The following ARHGEF26 variants were observed in gnomAD, a reference collection of about 807,000 sequenced individuals.
ARHGEF26 encodes Rho guanine nucleotide exchange factor (GEF) 26.
In ARHGEF26, 59 loss-of-function variants were observed where a neutral mutation model predicts 89.4. The ratio of observed to expected loss-of-function variants is 0.66; its 90% CI spans 0.54 to 0.82. The LOEUF is 0.82. Among genes scored for constraint, ARHGEF26 ranks in the 40% least tolerant of loss-of-function variants. The pLI is 0.00. For synonymous variants in ARHGEF26, 500 were observed against 428.4 expected, an observed-to-expected ratio of 1.17 and a Z score of -2.06; for missense variants, 1,234 against 1,085.6, an observed-to-expected ratio of 1.14 and a Z score of -1.92.
chr3:154,217,341 A>G (rs1374604985), intron 9 of ARHGEF26, among the ~76,000 whole-genome samples: 13 of 150,860 alleles, frequency 8.6e-5, no homozygotes, highest in African/African-American at 1.5e-4. Context: ...TTCTTTTGAG[A>G]AGTGTCTGTT....
chr3:154,188,381 G>T (rs928820729), intron 7 of ARHGEF26, among the ~76,000 whole-genome samples: 23 of 152,242 alleles, frequency 1.5e-4, no homozygotes, highest in African/African-American at 5.5e-4. Flanking sequence ...TGTTCTTAAA[G>T]ATTTCAGTTA....
At chr3:154,221,567 A>C (rs1450494887) in intron 10 of ARHGEF26, among the ~76,000 whole-genome samples, 1 of 152,210 alleles carries the variant, frequency 6.6e-6, no homozygotes, top group Non-Finnish European at 1.5e-5. Context: ...ATGAGGAAAA[A>C]CATCTAAATA....
At position 154,187,665 on chromosome 3, in the gene ARHGEF26, T is replaced by G. The variant is rs779843965; in HGVS notation, c.1488-20T>G. On this transcript the variant is annotated intron_variant, in intron 6 of 14. Coordinates refer to ENST00000465093, the MANE Select transcript of ARHGEF26 (RefSeq NM_015595.4). The stretch of plus-strand genomic sequence containing the variant: ...GTGTATGAAAGAAGTGTTAATTTTT[T>G]TTTCCCTTTGGTTTTTCAGGTTCTT... The G allele has an allele frequency of 1.9e-5, 30 of 1,579,540 alleles. No homozygotes were observed. In the Middle Eastern group the frequency reaches 5.3e-4, roughly 28 times the overall value.
intron 6 of ARHGEF26, among the ~76,000 whole-genome samples, chr3:154,181,033 C>G (rs1713151076): frequency 6.6e-6 from 1 of 152,160 alleles, no homozygotes; most frequent in Non-Finnish European, 1.5e-5. Context: ...TGATGCCTGC[C>G]ATGGGTTAGT....
Position 154,149,418 on chromosome 3 carries a change from A to C in ARHGEF26, c.1299A>C (p.Val433=), listed in dbSNP as rs1360929849. ...AAAGAAAGGGATTATCTCAGACAGT[A>C]AGCCAGGAGGAAAGAAAGAGACAAG... is the stretch of plus-strand genomic sequence containing the variant. ...AVKRKGLSQT[V]SQEERKRQEA... Residue 433 remains valine, a synonymous_variant, in exon 5 of 15, where the codon GTA becomes GTC. Transcript: ENST00000465093. 6.8e-6 allele frequency: 11 copies of C among 1,608,746 alleles called. No individual in the cohort carries two copies. The highest frequency in any genetic ancestry group is 1.3e-5 in the African/African-American group (1 of 74,890).
At chr3:154,229,970 T>C (rs1716736674) in intron 11 of ARHGEF26, among the ~76,000 whole-genome samples, 1 of 152,220 alleles carries the variant, frequency 6.6e-6, no homozygotes, top group Admixed American at 6.5e-5. Flanking sequence ...AAAGATGAAT[T>C]ACAGACTGTA....
chr3:154,137,883 G>A (rs942438690), intron 4 of ARHGEF26, among the ~76,000 whole-genome samples: 1 of 151,582 alleles, frequency 6.6e-6, no homozygotes, highest in Admixed American at 6.6e-5. Context: ...AGGCTCTTTT[G>A]GTCATTTGTG....
rs1389460355 is a variant in ARHGEF26 at position 154,256,962 on chromosome 3, A to G, written c.*1489A>G. Reference sequence around the variant, plus strand: ...GGAAATGATTTTTACTGGCAGCTATATTCCCTCTCTGTTCTATTTGCTTTA... The same window carrying G: ...GGAAATGATTTTTACTGGCAGCTATGTTCCCTCTCTGTTCTATTTGCTTTA... On this transcript the variant is annotated 3_prime_UTR_variant, in exon 15 of 15. Transcript: ENST00000465093. 3 of 1,532,000 alleles carry G rather than the reference A, an allele frequency of 2.0e-6. No homozygotes were observed. The South Asian group carries it at 3.6e-5, about 18-fold the overall frequency. The allele number at this position is 1,532,000 out of a possible 1,614,324, so 94.9% of individuals were successfully genotyped here.
intron 6 of ARHGEF26, among the ~76,000 whole-genome samples, chr3:154,168,901 GTCCACT>G (rs1712223352): frequency 9.1e-6 from 1 of 109,528 alleles, no homozygotes; most frequent in African/African-American, 3.3e-5. Flanking sequence ...ACTTTATTTT[GTCCACT>G]TAGATCAGAA....
intron 9 of ARHGEF26, among the ~76,000 whole-genome samples, chr3:154,200,437 G>A (rs192632118): frequency 7.9e-5 from 12 of 152,206 alleles, no homozygotes; most frequent in Non-Finnish European, 1.5e-4. Flanking sequence ...TTTTATGCCA[G>A]TACCATGCTG....
intron 9 of ARHGEF26, among the ~76,000 whole-genome samples, chr3:154,208,025 T>C (rs1019519609): frequency 5.9e-5 from 9 of 152,106 alleles, no homozygotes; most frequent in Non-Finnish European, 1.3e-4. Flanking sequence ...TTCTCACTTA[T>C]AAGTGAGAGC....
intron 6 of ARHGEF26, among the ~76,000 whole-genome samples, chr3:154,165,707 C>T (rs1278675400): frequency 6.6e-6 from 1 of 152,188 alleles, no homozygotes; most frequent in East Asian, 1.9e-4. Flanking sequence ...CTCTGCATGT[C>T]AGCTGCTAAA....
At chr3:154,237,372 T>C (rs1356695506) in intron 11 of ARHGEF26, among the ~76,000 whole-genome samples, 1 of 151,930 alleles carries the variant, frequency 6.6e-6, no homozygotes, top group African/African-American at 2.4e-5. Context: ...TGAAACCCTG[T>C]CTCTACTAAA....
At chr3:154,234,390 C>A (rs754856475) in intron 11 of ARHGEF26, among the ~76,000 whole-genome samples, 1 of 152,100 alleles carries the variant, frequency 6.6e-6, no homozygotes, top group Non-Finnish European at 1.5e-5. Flanking sequence ...TTTAACAGCA[C>A]CTCTCTGACC....
At chr3:154,125,770 T>C (rs1331190618) in intron 3 of ARHGEF26, among the ~76,000 whole-genome samples, 1 of 152,168 alleles carries the variant, frequency 6.6e-6, no homozygotes, top group African/African-American at 2.4e-5. Context: ...TCAAATATAA[T>C]GACCTAGAAA....
intron 11 of ARHGEF26, 102 bp downstream of exon 11, chr3:154,226,112 G>A (rs1716469394): frequency 7.6e-6 from 8 of 1,059,440 alleles, no homozygotes; most frequent in Middle Eastern, 4.6e-4. Context: ...AGAAATGTTG[G>A]AAGTATAGTT....
At chr3:154,164,655 A>G (rs936746097) in intron 6 of ARHGEF26, among the ~76,000 whole-genome samples, 4 of 152,188 alleles carry the variant, frequency 2.6e-5, no homozygotes, top group African/African-American at 9.7e-5. Flanking sequence ...TTTCTTTTCT[A>G]GCAGAGAAGA....
At chr3:154,187,927 A>G in intron 7 of ARHGEF26, 90 bp downstream of exon 7, 1 of 1,259,170 alleles carries the variant, frequency 7.9e-7, no homozygotes. Flanking sequence ...TTTGAATTAT[A>G]TTTAGAAATG....
intron 12 of ARHGEF26, among the ~76,000 whole-genome samples, chr3:154,246,118 G>A (rs760888451): frequency 3.7e-4 from 57 of 152,254 alleles, no homozygotes; most frequent in Middle Eastern, 3.4e-3. Context: ...AGTGCTAATT[G>A]GGGGGTGGTG....
Sources: allele counts gnomAD v4.1 joint callset (sites outside exome capture counted in the v4.1 genomes callset), GRCh38; gene constraint gnomAD v4.1.1; transcripts MANE v1.5; gene names NCBI Gene and HGNC (gene_info 2026-07-23, HGNC 2026-07-21).